The following TFB1M variants were observed in gnomAD, a reference collection of about 807,000 sequenced individuals.
The protein encoded by TFB1M is transcription factor B1, mitochondrial.
TFB1M carries 27 observed loss-of-function variants against 31.1 expected under a neutral mutation model. The ratio of observed to expected loss-of-function variants is 0.87; its 90% CI spans 0.64 to 1.20. The LOEUF (loss-of-function observed/expected upper bound fraction) is 1.20, where lower values mean the gene tolerates loss of function less well. Among genes scored for constraint, TFB1M ranks in the 50% most tolerant of loss-of-function variants. TFB1M has a pLI of 0.00. For missense variants in TFB1M, 394 were observed against 418.7 expected (o/e 0.94, Z 0.51); for synonymous variants, 166 against 151.8 (o/e 1.09, Z -0.69).
At chr6:155,283,661 T>C (rs146273255) in intron 5 of TFB1M, among the ~76,000 whole-genome samples, 1,896 of 152,300 alleles carry the variant, frequency 0.012, 19 homozygotes, top group South Asian at 0.029. Context: ...CGAATATCTA[T>C]CCTAAGAACC....
chr6:155,288,200 A>C (rs1776751799), intron 4 of TFB1M, among the ~76,000 whole-genome samples: 1 of 152,220 alleles, frequency 6.6e-6, no homozygotes, highest in African/African-American at 2.4e-5. Flanking sequence ...ACTCAAAGCC[A>C]ACCTTTCATC....
the TFB1M span, among the ~76,000 whole-genome samples, chr6:155,250,369 C>T: frequency 2.0e-5 from 3 of 148,400 alleles, no homozygotes; most frequent in Non-Finnish European, 4.4e-5. Context: ...CAGGATTTGA[C>T]ATTTTCTGTA....
At chr6:155,260,888 A>T (rs965567919) in intron 5 of TFB1M, 3 of 241,590 alleles carry the variant, frequency 1.2e-5, no homozygotes, top group South Asian at 5.4e-5. Flanking sequence ...AATCAGCTGG[A>T]CTGAATTCAT....
At chr6:155,244,843 C>T in the TFB1M span, 2 of 1,513,582 alleles carry the variant, frequency 1.3e-6, no homozygotes, top group Non-Finnish European at 1.8e-6. Flanking sequence ...GTATTTCTCT[C>T]ATGAGAATTC....
chr6:155,254,608 A>C (rs1408764739), downstream of TFB1M: 3 of 1,600,954 alleles, frequency 1.9e-6, no homozygotes, highest in African/African-American at 4.0e-5. Context: ...TTATTCAACA[A>C]AATATTATGA....
At chr6:155,304,418 A>ATG (rs1435316116) in intron 2 of TFB1M, among the ~76,000 whole-genome samples, 1 of 152,222 alleles carries the variant, frequency 6.6e-6, no homozygotes, top group African/African-American at 2.4e-5. Context: ...TCCGACAAAG[A>ATG]TGGAGTCTAA....
At chr6:155,299,181 C>T (rs1225221096) in intron 2 of TFB1M, among the ~76,000 whole-genome samples, 2 of 152,104 alleles carry the variant, frequency 1.3e-5, no homozygotes, top group Non-Finnish European at 2.9e-5. Context: ...CCTTATCGAC[C>T]TAATGAATTA....
At chr6:155,239,528 G>A in the TFB1M span, among the ~76,000 whole-genome samples, 52 of 152,338 alleles carry the variant, frequency 3.4e-4, no homozygotes, top group African/African-American at 1.2e-3. Flanking sequence ...CTGTGGAAGC[G>A]TTTCACCTGT....
intron 2 of TFB1M, among the ~76,000 whole-genome samples, chr6:155,301,380 A>G (rs545837353): frequency 4.6e-5 from 7 of 152,208 alleles, no homozygotes; most frequent in South Asian, 2.1e-4. Context: ...ACTTCAAATG[A>G]TATTAGGCAA....
At chr6:155,249,822 T>C in the TFB1M span, 3 of 1,568,078 alleles carry the variant, frequency 1.9e-6, no homozygotes, top group East Asian at 2.2e-5. Context: ...ATAACAGTTA[T>C]GAAATAAATA....
At chr6:155,252,883 G>T (rs995209625), downstream of TFB1M, 4 of 1,435,296 alleles carry the variant, frequency 2.8e-6, no homozygotes, top group African/African-American at 4.2e-5. Flanking sequence ...TCTATTCACT[G>T]TGCACACATC....
At chr6:155,307,136 TACACACACACAC>T (rs61677970) in intron 2 of TFB1M, among the ~76,000 whole-genome samples, 4 of 147,356 alleles carry the variant, frequency 2.7e-5, no homozygotes, top group African/African-American at 7.6e-5. Context: ...CTCAAACACA[TACACACACACAC>T]ACACACACAC....
chr6:155,283,289 G>A (rs538798072), intron 5 of TFB1M, among the ~76,000 whole-genome samples: 4 of 152,138 alleles, frequency 2.6e-5, no homozygotes, highest in South Asian at 2.1e-4. Context: ...AAAAATAGCC[G>A]GTGTGGTGGT....
chr6:155,269,936 G>A (rs1784845895), intron 5 of TFB1M, among the ~76,000 whole-genome samples: 1 of 152,234 alleles, frequency 6.6e-6, no homozygotes, highest in Non-Finnish European at 1.5e-5. Context: ...TGGCACAGGA[G>A]AATCAGTGAT....
chr6:155,245,600 G>T, the TFB1M span: 5 of 1,587,470 alleles, frequency 3.1e-6, no homozygotes, highest in South Asian at 3.3e-5. Context: ...TGTCTGATTT[G>T]ACTTTCCCCT....
intron 4 of TFB1M, among the ~76,000 whole-genome samples, chr6:155,296,703 G>A (rs1327372163): frequency 6.6e-6 from 1 of 152,146 alleles, no homozygotes; most frequent in Non-Finnish European, 1.5e-5. Flanking sequence ...ATCGATGGCT[G>A]TTGCATCCCT....
intron 4 of TFB1M, among the ~76,000 whole-genome samples, chr6:155,296,312 T>C (rs1213362703): frequency 2.6e-5 from 4 of 151,754 alleles, no homozygotes; most frequent in Non-Finnish European, 4.4e-5. Context: ...CAAGCTGGAG[T>C]GCAGTGGCAC....
the TFB1M span, chr6:155,250,796 A>C: frequency 8.1e-7 from 1 of 1,227,450 alleles, no homozygotes. Flanking sequence ...GGTATCATAA[A>C]AATTAAACCA....
intron 5 of TFB1M, among the ~76,000 whole-genome samples, chr6:155,284,131 C>G (rs1776514498): frequency 6.6e-6 from 1 of 152,188 alleles, no homozygotes; most frequent in Non-Finnish European, 1.5e-5. Flanking sequence ...CACCTGAACG[C>G]TCAGCTAACT....
Sources: allele counts gnomAD v4.1 joint callset (sites outside exome capture counted in the v4.1 genomes callset), GRCh38; gene constraint gnomAD v4.1.1; transcripts MANE v1.5; gene names NCBI Gene and HGNC (gene_info 2026-07-23, HGNC 2026-07-21).